The following TAF1B variants were observed in gnomAD, a reference collection of about 807,000 sequenced individuals.
The protein encoded by TAF1B is TATA-box binding protein associated factor, RNA polymerase I subunit B.
In TAF1B, 61 loss-of-function variants were observed where a neutral mutation model predicts 83.9. That is an observed-to-expected ratio of 0.73 (90% CI 0.59 to 0.90). The LOEUF (loss-of-function observed/expected upper bound fraction) is 0.90, where lower values mean the gene tolerates loss of function less well. Ranked by LOEUF, TAF1B falls within the 40% of genes least tolerant of loss-of-function variation. The probability of loss-of-function intolerance (pLI) is 0.00; values close to 1 mark genes in which losing one functional copy is unlikely to be tolerated. For synonymous variants in TAF1B, 221 were observed against 224.6 expected (o/e 0.98, Z 0.14); for missense variants, 625 against 677.0 (o/e 0.92, Z 0.85).
intron 14 of TAF1B, among the ~76,000 whole-genome samples, chr2:9,923,982 G>A (rs757636563): frequency 6.6e-5 from 10 of 151,726 alleles, no homozygotes; most frequent in African/African-American, 2.2e-4. Context: ...GGGCAGGAGG[G>A]TGGATTGTGG....
intron 5 of TAF1B, among the ~76,000 whole-genome samples, chr2:9,858,042 G>C (rs1663621874): frequency 6.6e-6 from 1 of 152,082 alleles, no homozygotes; most frequent in African/African-American, 2.4e-5. Flanking sequence ...ACTCATTCCA[G>C]CATTAACTCA....
At chr2:9,899,000 T>A (rs1665102579) in intron 8 of TAF1B, among the ~76,000 whole-genome samples, 1 of 150,774 alleles carries the variant, frequency 6.6e-6, no homozygotes, top group South Asian at 2.1e-4. Flanking sequence ...CTTTTTTTGG[T>A]GGCAAAATAT....
intron 9 of TAF1B, among the ~76,000 whole-genome samples, chr2:9,907,753 A>G (rs182256913): frequency 1.3e-5 from 2 of 152,184 alleles, no homozygotes; most frequent in East Asian, 3.9e-4. Flanking sequence ...AAGTGCCCAT[A>G]TATAAATTCT....
In TAF1B at chr2:9,875,303, A is replaced by G. The variant is rs114413293; in HGVS notation, c.554-562A>G. ...GAATCCTGTCCCATCCCACTCCTAC[A>G]GATATCCCATGATTACGTTTTTGGC... is the stretch of plus-strand genomic sequence containing the variant. On this transcript the variant is annotated intron_variant, in intron 6 of 14. Transcript: ENST00000263663. Among the ~76,000 whole-genome samples the G allele has an allele frequency of 3.9e-3, 599 of 152,264 alleles. 3 individuals carry two copies. The highest frequency in any genetic ancestry group is 0.013 in the African/African-American group (558 of 41,554).
chr2:9,911,890 C>T (rs1665544437), intron 11 of TAF1B, among the ~76,000 whole-genome samples: 1 of 152,080 alleles, frequency 6.6e-6, no homozygotes, highest in East Asian at 1.9e-4. Flanking sequence ...CTTGTTGGTC[C>T]CTCTATCTGA....
rs745549456 is a variant in TAF1B at position 9,843,514 on chromosome 2, C to A, written c.-28C>A. 38 of 1,524,444 alleles carry A rather than the reference C, an allele frequency of 2.5e-5. No homozygotes were observed. In the East Asian group the frequency reaches 5.4e-4, roughly 22 times the overall value. 94.4% of individuals were successfully genotyped at this position (1,524,444 alleles called of 1,614,324 possible). A position where few individuals can be genotyped will look rare whatever the true frequency, so the allele number is the denominator to read the frequency against. ...CGCTCGCTACCCGGGTAACGGGTCC[C>A]GGCTGTGGAAGCTCCCGCGGCGCCG... On this transcript the variant is annotated 5_prime_UTR_variant, in exon 1 of 15. Transcript: ENST00000263663.
At chr2:9,924,042 G>C (rs746078477) in intron 14 of TAF1B, among the ~76,000 whole-genome samples, 21 of 152,156 alleles carry the variant, frequency 1.4e-4, no homozygotes, top group Admixed American at 3.3e-4. Context: ...TATACATAGA[G>C]CTTAGTATAG....
rs142739420 is a variant in TAF1B at position 9,868,473 on chromosome 2, G to A, written c.553+44G>A. 248 of 1,582,966 alleles carry A rather than the reference G, an allele frequency of 1.6e-4. No individual in the cohort carries two copies. In the African/African-American group the frequency reaches 3.0e-3, roughly 19 times the overall value. ...CCATTTCGAATTTTAAAGCTGTTAT[G>A]CCCCTTAAAAATAATTTAGTCTAAT... On this transcript the variant is annotated intron_variant, in intron 6 of 14. Transcript: ENST00000263663.
intron 8 of TAF1B, among the ~76,000 whole-genome samples, chr2:9,889,649 T>A (rs2125160034): frequency 6.6e-6 from 1 of 152,344 alleles, no homozygotes; most frequent in South Asian, 2.1e-4. Context: ...TTTTATTAGA[T>A]GCAATCATTG....
intron 14 of TAF1B, among the ~76,000 whole-genome samples, chr2:9,931,480 A>G (rs555704882): frequency 9.2e-5 from 14 of 152,270 alleles, no homozygotes; most frequent in Admixed American, 3.3e-4. Context: ...TTCTTTAAGA[A>G]TGTTGAATAT....
rs761447111 is a variant in TAF1B, at chr2:9,851,551, G to C, written c.216G>C (p.Trp72Cys). ...CTATTTGTCATTTAGAAAAAGGCTG[G>C]GATTGGTATGTGTGTGAAGGTTTCC... ...LKKKNNTEKG[W>C]DWYVCEGFQY... Residue 72 changes from tryptophan to cysteine, a missense_variant, in exon 4 of 15, where the codon TGG becomes TGC. Transcript: ENST00000263663. 6.2e-7 allele frequency: 1 copy of C among 1,603,372 alleles called. No individual in the cohort carries two copies. Among genetic ancestry groups the C allele is most frequent in the Admixed American group, 1.7e-5 (1 of 57,788 alleles).
At chr2:9,887,057 C>CT (rs1664697243) in intron 8 of TAF1B, among the ~76,000 whole-genome samples, 1 of 140,622 alleles carries the variant, frequency 7.1e-6, no homozygotes, top group African/African-American at 2.5e-5. Context: ...GAGTGAGACT[C>CT]TGTCTCAAAA....
chr2:9,852,417 G>A (rs1195308049), intron 4 of TAF1B, among the ~76,000 whole-genome samples: 1 of 152,164 alleles, frequency 6.6e-6, no homozygotes, highest in Admixed American at 6.5e-5. Flanking sequence ...AGTGTTGAGA[G>A]GTCCAGCCTA....
chr2:9,849,379 C>A lies in TAF1B; in HGVS notation c.124C>A (p.Gln42Lys). 1 of 1,596,038 alleles carries A rather than the reference C, an allele frequency of 6.3e-7. No individual in the cohort carries two copies. Among genetic ancestry groups the A allele is most frequent in the Non-Finnish European group, 8.5e-7 (1 of 1,171,800 alleles). Residue 42 changes from glutamine to lysine, a missense_variant, in exon 3 of 15, where the codon CAG becomes AAG. Physicochemically the swap from Gln to Lys is moderately conservative, Grantham distance 53. Transcript: ENST00000263663. ...CTTTTTCTCTTTCCTGCAGAGATAT[C>A]AGGAAGTTACAAACACTGATCTTAT... ...TSCHNVTERY[Q>K]EVTNTDLIPN...
intron 8 of TAF1B, among the ~76,000 whole-genome samples, chr2:9,892,134 T>G (rs1664889411): frequency 6.6e-6 from 1 of 152,218 alleles, no homozygotes; most frequent in South Asian, 2.1e-4. Context: ...GTATTTTTAC[T>G]GTACCTTTTC....
rs1663083357 is a variant in TAF1B, at chr2:9,843,477, T to A, written c.-65T>A. ...TCCGGCCGGAAGCTTCTCCAGCCTT[T>A]CCCGGAAGCTGCGCTCGCTACCCGG... On this transcript the variant is annotated 5_prime_UTR_variant, in exon 1 of 15. Transcript: ENST00000263663. 6.6e-7 allele frequency: 1 copy of A among 1,514,036 alleles called. No individual in the cohort carries two copies. Among genetic ancestry groups the A allele is most frequent in the East Asian group, 2.7e-5 (1 of 37,244 alleles). The allele number at this position is 1,514,036 out of a possible 1,614,324, so 93.8% of individuals were successfully genotyped here. A position where few individuals can be genotyped will look rare whatever the true frequency, so the allele number is the denominator to read the frequency against.
At chr2:9,875,701 A>G (rs949025098) in intron 6 of TAF1B, among the ~76,000 whole-genome samples, 164 bp from the exon 7 acceptor site, 3 of 152,184 alleles carry the variant, frequency 2.0e-5, no homozygotes, top group Admixed American at 6.5e-5. Flanking sequence ...GGTCCCTCCC[A>G]TGACACGTGG....
intron 6 of TAF1B, among the ~76,000 whole-genome samples, chr2:9,874,947 C>T (rs760687655): frequency 6.6e-6 from 1 of 151,624 alleles, no homozygotes; most frequent in Admixed American, 6.6e-5. Context: ...TTAAAAAATT[C>T]AAACGTTCAA....
At chr2:9,896,620 C>CAAAAAA (rs71391108) in intron 8 of TAF1B, among the ~76,000 whole-genome samples, 4 of 66,530 alleles carry the variant, frequency 6.0e-5, no homozygotes, top group Non-Finnish European at 9.0e-5. Context: ...ATCTAAAAAC[C>CAAAAAA]AAAAAAAAAA....
Sources: gnomAD v4.1 joint callset for allele counts (sites outside exome capture counted in the v4.1 genomes callset) on GRCh38, gnomAD v4.1.1 for gene constraint, MANE v1.5 for transcripts, NCBI Gene and HGNC (gene_info 2026-07-23, HGNC 2026-07-21) for gene names.